The following GRIP1 variants were observed in gnomAD, a reference collection of about 807,000 sequenced individuals.
GRIP1 encodes glutamate receptor interacting protein 1, also known as glutamate receptor-interacting protein 1.
GRIP1 carries 45 observed loss-of-function variants against 129.9 expected under a neutral mutation model. That is an observed-to-expected ratio of 0.35 (90% CI 0.27 to 0.44). The LOEUF (loss-of-function observed/expected upper bound fraction) is 0.44. Among genes scored for constraint, GRIP1 ranks in the 20% least tolerant of loss-of-function variants. The pLI is 1.00. For missense variants in GRIP1, 1,196 were observed against 1,396.8 expected (o/e 0.86, Z 2.29); for synonymous variants, 530 against 520.8 (o/e 1.02, Z -0.24).
At chr12:66,564,879 G>A (rs2062689913) in intron 2 of GRIP1, among the ~76,000 whole-genome samples, 1 of 152,246 alleles carries the variant, frequency 6.6e-6, no homozygotes. Flanking sequence ...GATGGCCAGT[G>A]ATGATGAGCA....
chr12:66,450,420 G>GC (rs2058758551), intron 11 of GRIP1, among the ~76,000 whole-genome samples: 1 of 149,328 alleles, frequency 6.7e-6, no homozygotes, highest in South Asian at 2.1e-4. Flanking sequence ...GGAAAGACTT[G>GC]CTATGTTTTT....
At chr12:66,436,918 G>T (rs759890549) in intron 13 of GRIP1, among the ~76,000 whole-genome samples, 1 of 150,242 alleles carries the variant, frequency 6.7e-6, no homozygotes, top group South Asian at 2.1e-4. Context: ...CCCAGGAGAC[G>T]GAGGTTGATA....
chr12:66,369,640 A>G (rs2055369452), intron 23 of GRIP1, among the ~76,000 whole-genome samples: 2 of 152,030 alleles, frequency 1.3e-5, no homozygotes, highest in Non-Finnish European at 2.9e-5. Flanking sequence ...GTTGATATGG[A>G]TTCTCTTTGG....
intron 7 of GRIP1, among the ~76,000 whole-genome samples, chr12:66,502,511 G>A (rs1336432466): frequency 6.6e-6 from 1 of 152,150 alleles, no homozygotes; most frequent in Non-Finnish European, 1.5e-5. Flanking sequence ...ATGTTGAAAT[G>A]TAATTCCCAG....
chr12:66,640,667 T>C (rs1193967355), intron 1 of GRIP1, among the ~76,000 whole-genome samples: 1 of 152,136 alleles, frequency 6.6e-6, no homozygotes, highest in African/African-American at 2.4e-5. Context: ...AAATAGGCCA[T>C]TATAGCATTA....
chr12:66,892,514 C>T (rs2040677565), intron 1 of GRIP1, among the ~76,000 whole-genome samples: 1 of 152,144 alleles, frequency 6.6e-6, no homozygotes, highest in Admixed American at 6.5e-5. Context: ...ACACAGCTGG[C>T]ATTGGTACAA....
chr12:66,876,390 A>G (rs1297275875), intron 1 of GRIP1, among the ~76,000 whole-genome samples: 2 of 152,166 alleles, frequency 1.3e-5, no homozygotes, highest in East Asian at 3.9e-4. Flanking sequence ...TGAGTTAGGT[A>G]CTACTACTCT....
intron 1 of GRIP1, among the ~76,000 whole-genome samples, chr12:67,039,211 A>G (rs955017948): frequency 2.6e-5 from 4 of 152,186 alleles, no homozygotes; most frequent in Non-Finnish European, 5.9e-5. Context: ...TCACCAAAGC[A>G]CAACTGGCAA....
chr12:66,675,047 T>C (rs372434966), intron 1 of GRIP1, among the ~76,000 whole-genome samples: 93 of 152,260 alleles, frequency 6.1e-4, no homozygotes, highest in African/African-American at 2.2e-3. Context: ...TTAGGCCATA[T>C]GTGTATTTGG....
intron 1 of GRIP1, among the ~76,000 whole-genome samples, chr12:66,840,832 A>G (rs944221772): frequency 6.6e-6 from 1 of 152,152 alleles, no homozygotes; most frequent in African/African-American, 2.4e-5. Flanking sequence ...AAGGTCAAAC[A>G]TGCACAGACA....
intron 7 of GRIP1, among the ~76,000 whole-genome samples, chr12:66,478,112 T>C (rs1451201390): frequency 6.6e-6 from 1 of 151,922 alleles, no homozygotes. Flanking sequence ...TAGGAGAAAA[T>C]TTTTGCAATC....
chr12:66,987,088 G>A (rs954761565), intron 1 of GRIP1, among the ~76,000 whole-genome samples: 5 of 152,072 alleles, frequency 3.3e-5, no homozygotes, highest in African/African-American at 1.2e-4. Context: ...TGAAATACAT[G>A]GGAATAGAGC....
intron 23 of GRIP1, among the ~76,000 whole-genome samples, chr12:66,354,389 A>G (rs756229882): frequency 1.3e-5 from 2 of 152,228 alleles, no homozygotes; most frequent in Non-Finnish European, 2.9e-5. Flanking sequence ...TATTGTAAGC[A>G]CAGCATGGGG....
chr12:66,736,395 G>T (rs2036603501), intron 1 of GRIP1, among the ~76,000 whole-genome samples: 1 of 59,936 alleles, frequency 1.7e-5, no homozygotes, highest in Non-Finnish European at 3.6e-5. Flanking sequence ...TTTTTTTTAG[G>T]ATACAGGGTC....
upstream of GRIP1, among the ~76,000 whole-genome samples, chr12:66,805,041 G>T (rs1190360606): frequency 1.3e-5 from 2 of 152,058 alleles, no homozygotes; most frequent in Non-Finnish European, 2.9e-5. Context: ...CTTAGTAACA[G>T]CATACCATAA....
intron 7 of GRIP1, among the ~76,000 whole-genome samples, chr12:66,507,983 C>G (rs1227291530): frequency 6.6e-6 from 1 of 152,048 alleles, no homozygotes; most frequent in African/African-American, 2.4e-5. Context: ...TTCTCAGTAT[C>G]CTTGGTTTTG....
At chr12:66,755,684 G>A (rs1341615716) in intron 1 of GRIP1, among the ~76,000 whole-genome samples, 1 of 152,174 alleles carries the variant, frequency 6.6e-6, no homozygotes, top group Non-Finnish European at 1.5e-5. Flanking sequence ...TGAAGTTTCT[G>A]GATTCTCTGG....
intron 2 of GRIP1, among the ~76,000 whole-genome samples, chr12:66,583,785 T>C (rs1215067197): frequency 7.4e-6 from 1 of 134,952 alleles, no homozygotes; most frequent in African/African-American, 2.7e-5. Context: ...TGTGGAGAAA[T>C]AGGAACACTT....
At chr12:66,559,695 A>G (rs556836404) in intron 2 of GRIP1, among the ~76,000 whole-genome samples, 1 of 152,268 alleles carries the variant, frequency 6.6e-6, no homozygotes, top group East Asian at 1.9e-4. Flanking sequence ...ATGGAAAGAT[A>G]CTCCATGTTC....
Sources: gnomAD v4.1 joint callset for allele counts (sites outside exome capture counted in the v4.1 genomes callset) on GRCh38, gnomAD v4.1.1 for gene constraint, MANE v1.5 for transcripts, NCBI Gene and HGNC (gene_info 2026-07-23, HGNC 2026-07-21) for gene names.